Variants in TRIM27 observed in about 807,000 individuals in gnomAD.
The protein encoded by TRIM27 is tripartite motif containing 27.
A neutral mutation model predicts 57.6 loss-of-function variants in TRIM27; 12 were observed. The ratio of observed to expected loss-of-function variants is 0.21; its 90% CI spans 0.13 to 0.34. TRIM27 has a LOEUF of 0.34. Among genes scored for constraint, TRIM27 ranks in the 10% least tolerant of loss-of-function variants. The pLI is 1.00. For missense variants in TRIM27, 403 were observed against 656.8 expected (o/e 0.61, Z 4.22); for synonymous variants, 266 against 259.0 (o/e 1.03, Z -0.26).
At chr6:28,918,524 CAAAAATAA>C (rs1371963105) in intron 3 of TRIM27, among the ~76,000 whole-genome samples, 10 of 151,638 alleles carry the variant, frequency 6.6e-5, no homozygotes, top group Admixed American at 5.9e-4. Flanking sequence ...TGCTTCGTCT[CAAAAATAA>C]AAAAAGAAAA....
At chr6:28,910,454 C>G (rs1773119054) in intron 4 of TRIM27, among the ~76,000 whole-genome samples, 1 of 152,136 alleles carries the variant, frequency 6.6e-6, no homozygotes, top group Non-Finnish European at 1.5e-5. Context: ...CTCAACCTCC[C>G]AAGTAGCTGG....
At chr6:28,914,581 TGGG>T (rs9280508) in intron 3 of TRIM27, among the ~76,000 whole-genome samples, 1 of 38,944 alleles carries the variant, frequency 2.6e-5, no homozygotes, top group African/African-American at 9.0e-5. Context: ...ATTGCAAGGG[TGGG>T]GGGGGGGGGA....
At chr6:28,906,207 A>G (rs1199284247) in intron 7 of TRIM27, 2 of 151,962 alleles carry the variant, frequency 1.3e-5, no homozygotes, top group East Asian at 3.9e-4. Flanking sequence ...TCTAAAATGA[A>G]TAATAAAAAA....
rs759346408 is a variant in TRIM27 at position 28,904,175 on chromosome 6, C to T, written c.1437G>A (p.Ser479=). The T allele has an allele frequency of 5.6e-6, 9 of 1,612,894 alleles. No homozygotes were observed. The East Asian group carries it at 6.7e-5, about 12-fold the overall frequency. ...PVRPYFSLSY[S]GGKSAAPLII... Reference sequence around the variant, plus strand: ...TCAGAGGAGCTGCACTTTTCCCTCCCGAGTAACTCAGACTGAAGTAGGGCC... The same window carrying T: ...TCAGAGGAGCTGCACTTTTCCCTCCTGAGTAACTCAGACTGAAGTAGGGCC... Residue 479 remains serine (S), a synonymous_variant, in exon 8 of 8, where the codon TCG becomes TCA. Coordinates refer to ENST00000377199, the MANE Select transcript of TRIM27 (RefSeq NM_006510.5). This position sits in a 1 kb window ranked among gnomAD's most constrained non-coding sequence, Gnocchi z 6.1.
chr6:28,923,091 A>G, intron 1 of TRIM27, 122 bp downstream of exon 1: 1 of 1,167,292 alleles, frequency 8.6e-7, no homozygotes, highest in Non-Finnish European at 1.2e-6. Context: ...CAGAGAGGAA[A>G]TGACGGCTGT....
chr6:28,918,973 C>A (rs962893645), intron 3 of TRIM27, among the ~76,000 whole-genome samples: 3 of 151,856 alleles, frequency 2.0e-5, no homozygotes, highest in Non-Finnish European at 4.4e-5. Flanking sequence ...ATTTGCTGAC[C>A]CTTGCCCTAT....
At chr6:28,912,276 A>C (rs1364132520) in intron 3 of TRIM27, among the ~76,000 whole-genome samples, 1 of 152,002 alleles carries the variant, frequency 6.6e-6, no homozygotes, top group Non-Finnish European at 1.5e-5. Context: ...CGCCCAGCTA[A>C]TTTTTGTGTT....
chr6:28,909,947 G>GT (rs1489375311), intron 4 of TRIM27, among the ~76,000 whole-genome samples: 2 of 152,016 alleles, frequency 1.3e-5, no homozygotes, highest in Admixed American at 6.6e-5. Context: ...GAAGTAAGAC[G>GT]TATCTCATGG....
intron 3 of TRIM27, chr6:28,914,958 A>G (rs1330805471): frequency 6.6e-6 from 1 of 151,940 alleles, no homozygotes; most frequent in Non-Finnish European, 1.5e-5. Flanking sequence ...GCTATCTGGC[A>G]TATGAAGGCT....
intron 4 of TRIM27, 78 bp downstream of exon 4, chr6:28,911,618 C>A (rs532297113): frequency 1.5e-5 from 22 of 1,456,116 alleles, no homozygotes; most frequent in Admixed American, 3.9e-5. Flanking sequence ...AGGCTCAGGG[C>A]TCCTTTCAGG....
chr6:28,912,783 GA>G (rs1773303151), intron 3 of TRIM27, among the ~76,000 whole-genome samples: 1 of 152,042 alleles, frequency 6.6e-6, no homozygotes, highest in African/African-American at 2.4e-5. Flanking sequence ...TAAATTCTTA[GA>G]TTTTTAAAAT....
At chr6:28,910,011 C>T (rs1278895409) in intron 4 of TRIM27, among the ~76,000 whole-genome samples, 1 of 151,420 alleles carries the variant, frequency 6.6e-6, no homozygotes, top group Non-Finnish European at 1.5e-5. Context: ...GTGGCTCATG[C>T]CTGCAATCCC....
In TRIM27 at chr6:28,904,233, G is replaced by C; in HGVS notation, c.1379C>G (p.Thr460Ser). 1.2e-6 allele frequency: 2 copies of C among 1,613,116 alleles called. No homozygotes were observed. Among genetic ancestry groups the C allele is most frequent in the Non-Finnish European group, 1.7e-6 (2 of 1,180,044 alleles). Residue 460 changes from threonine to serine, a missense_variant, in exon 8 of 8, where the codon ACT becomes AGT. Transcript: ENST00000377199. The surrounding 1 kb of genome is among the most constrained non-coding windows in gnomAD (Gnocchi z 6.1). Reference sequence around the variant, plus strand: ...CCCACAAAAGGTAGCATGAGAGAAAGTGAAGGTGTGACACCTCTCTGTCAC... The same window carrying C: ...CCCACAAAAGGTAGCATGAGAGAAACTGAAGGTGTGACACCTCTCTGTCAC... ...YNVTERCHTF[T>S]FSHATFCGPV...
chr6:28,904,204 C>G lies in TRIM27; in HGVS notation c.1408G>C (p.Val470Leu), dbSNP rs1772598140. Reference protein sequence around the residue: ...TFSHATFCGPVRPYFSLSYSG... With the variant: ...TFSHATFCGPLRPYFSLSYSG... ...TAACTCAGACTGAAGTAGGGCCGGA[C>G]AGGCCCACAAAAGGTAGCATGAGAG... is the stretch of plus-strand genomic sequence containing the variant. The change falls in exon 8 of 8, where the codon GTC becomes CTC. Residue 470 changes from valine (V) to leucine (L), a missense_variant. Coordinates refer to ENST00000377199, the MANE Select transcript of TRIM27 (RefSeq NM_006510.5). This position sits in a 1 kb window ranked among gnomAD's most constrained non-coding sequence, Gnocchi z 6.1. 6.2e-7 allele frequency: 1 copy of G among 1,612,974 alleles called. No individual in the cohort carries two copies. The highest frequency in any genetic ancestry group is 8.5e-7 in the Non-Finnish European group (1 of 1,180,048).
At chr6:28,912,456 G>A (rs761429715) in intron 3 of TRIM27, among the ~76,000 whole-genome samples, 6 of 151,530 alleles carry the variant, frequency 4.0e-5, no homozygotes, top group Non-Finnish European at 8.8e-5. Flanking sequence ...CAGGCGCGGT[G>A]GCTCACGCCT....
At chr6:28,913,443 T>C (rs1773365875) in intron 3 of TRIM27, among the ~76,000 whole-genome samples, 1 of 151,822 alleles carries the variant, frequency 6.6e-6, no homozygotes, top group South Asian at 2.1e-4. Flanking sequence ...CTCCTCCCTC[T>C]ACCCTTCCTA....
rs766108439 is a variant in TRIM27 at position 28,920,084 on chromosome 6, G to A, written c.675C>T (p.Asn225=). The A allele has an allele frequency of 2.5e-6, 4 of 1,614,224 alleles. No individual in the cohort carries two copies. The highest frequency in any genetic ancestry group is 1.7e-5 in the Admixed American group (1 of 60,024). Residue 225 remains asparagine, a synonymous_variant, in exon 3 of 8, where the codon AAC becomes AAT. Coordinates refer to ENST00000377199, the MANE Select transcript of TRIM27 (RefSeq NM_006510.5). The stretch of plus-strand genomic sequence containing the variant: ...CGATCAGGCTGCTGAGGTGGGAGAT[G>A]TTGCAAGAGAACTGGGTGATGGCAC... ...INGAITQFSC[N]ISHLSSLIAQ...
In TRIM27 at chr6:28,904,138, T is replaced by C. The variant is rs145870174; in HGVS notation, c.1474A>G (p.Met492Val). 47 of 1,612,880 alleles carry C rather than the reference T, an allele frequency of 2.9e-5. No individual in the cohort carries two copies. The highest frequency in any genetic ancestry group is 2.0e-5 in the Non-Finnish European group (24 of 1,180,028). ...CCAGAAAACCCATCTATCCCACTCA[T>C]GGGGCAGATGATCAGAGGAGCTGCA... ...KSAAPLIICP[M>V]SGIDGFSGHV... The change falls in exon 8 of 8, where the codon ATG becomes GTG. Residue 492 changes from methionine (M) to valine (V), a missense_variant. Transcript: ENST00000377199. This position sits in a 1 kb window ranked among gnomAD's most constrained non-coding sequence, Gnocchi z 6.1.
At chr6:28,913,269 AATAT>A (rs1219781094) in intron 3 of TRIM27, among the ~76,000 whole-genome samples, 2 of 135,584 alleles carry the variant, frequency 1.5e-5, no homozygotes, top group African/African-American at 2.9e-5. Context: ...AAAAAAAAAA[AATAT>A]ATATATATAT....
Sources: gnomAD v4.1 joint callset for allele counts (sites outside exome capture counted in the v4.1 genomes callset) on GRCh38, gnomAD v4.1.1 for gene constraint, Gnocchi (gnomAD v3.1) non-coding constraint, MANE v1.5 for transcripts, NCBI Gene and HGNC (gene_info 2026-07-23, HGNC 2026-07-21) for gene names.